PIEZO2: variants seen among roughly 807,000 people sequenced by gnomAD.
PIEZO2 encodes piezo-type mechanosensitive ion channel component 2.
PIEZO2 carries 172 observed loss-of-function variants against 337.3 expected under a neutral mutation model. That is an observed-to-expected ratio of 0.51 (90% confidence interval 0.45 to 0.58). The LOEUF (loss-of-function observed/expected upper bound fraction) is 0.58, where lower values mean the gene tolerates loss of function less well. Ranked by LOEUF, PIEZO2 falls within the 20% of genes least tolerant of loss-of-function variation. PIEZO2 has a pLI of 0.00. For missense variants in PIEZO2, 3,028 were observed against 3,391.3 expected (o/e 0.89, Z 2.66); for synonymous variants, 1,251 against 1,228.5 (o/e 1.02, Z -0.38).
chr18:10,695,387 T>A (rs993897067), intron 47 of PIEZO2, among the ~76,000 whole-genome samples: 5 of 152,202 alleles, frequency 3.3e-5, no homozygotes, highest in South Asian at 2.1e-4. Flanking sequence ...CTTAGGGTTC[T>A]AGGTGACAGA....
rs537014203 is a variant in PIEZO2 at position 11,079,344 on chromosome 18, T to C, written c.65-13122A>G. 3.9e-5 allele frequency among the ~76,000 whole-genome samples: 6 copies of C among 152,350 alleles called. No individual in the cohort carries two copies. The South Asian group carries it at 8.3e-4, about 21-fold the overall frequency. On this transcript the variant is annotated intron_variant, in intron 1 of 55. Coordinates refer to ENST00000674853, the MANE Select transcript of PIEZO2 (RefSeq NM_001378183.1). ...ATGGATGGTTTAAGTCAAAATTCCA[T>C]AGAGGCTAAGTTAACCTCCACAAAT...
rs932650675 is a variant in PIEZO2 at position 11,116,986 on chromosome 18, G to A, written c.64+31539C>T. 6.6e-5 allele frequency among the ~76,000 whole-genome samples: 10 copies of A among 152,020 alleles called. No individual in the cohort carries two copies. Among genetic ancestry groups the A allele is most frequent in the African/African-American group, 2.2e-4 (9 of 41,386 alleles). On this transcript the variant is annotated intron_variant, in intron 1 of 55. Coordinates refer to ENST00000674853, the MANE Select transcript of PIEZO2 (RefSeq NM_001378183.1). This position sits in a 1 kb window ranked among gnomAD's most constrained non-coding sequence, Gnocchi z 5.0. The stretch of plus-strand genomic sequence containing the variant: ...TAGCCTGGCTTGGTGGCACGTGCCT[G>A]TAGTGCCAGCTACTTTGGAGGCTGA...
At chr18:10,678,009 C>G (rs2034090682) in intron 52 of PIEZO2, 134 bp from the exon 53 acceptor site, 16 of 840,806 alleles carry the variant, frequency 1.9e-5, no homozygotes, top group Non-Finnish European at 2.8e-5. Context: ...AATCCTGACC[C>G]TTTCAGTCTA....
chr18:10,811,021 A>C (rs1015193765), intron 7 of PIEZO2, among the ~76,000 whole-genome samples: 2 of 152,168 alleles, frequency 1.3e-5, no homozygotes, highest in African/African-American at 4.8e-5. Context: ...AATTTATGAT[A>C]ATTAAGTTTT....
intron 3 of PIEZO2, among the ~76,000 whole-genome samples, chr18:10,958,326 A>G (rs1046596616): frequency 3.3e-5 from 5 of 151,986 alleles, no homozygotes; most frequent in Admixed American, 2.6e-4. Context: ...GAAACTAGAA[A>G]GGTTGCCATC....
intron 7 of PIEZO2, among the ~76,000 whole-genome samples, chr18:10,838,036 G>A (rs1356754428): frequency 6.6e-6 from 1 of 152,074 alleles, no homozygotes; most frequent in Non-Finnish European, 1.5e-5. Flanking sequence ...ACAGGCATGA[G>A]CCACCACACC....
At chr18:10,705,094 G>A (rs1281112344) in intron 41 of PIEZO2, among the ~76,000 whole-genome samples, 1 of 152,114 alleles carries the variant, frequency 6.6e-6, no homozygotes, top group Non-Finnish European at 1.5e-5. Flanking sequence ...CCTAATATCA[G>A]ACCTTATTAT....
intron 4 of PIEZO2, among the ~76,000 whole-genome samples, chr18:10,906,137 A>G (rs2145039458): frequency 6.6e-6 from 1 of 152,312 alleles, no homozygotes; most frequent in South Asian, 2.1e-4. Flanking sequence ...CTGAAGGAAA[A>G]AAAACTAGGG....
chr18:10,858,703 C>T (rs1289975971), intron 5 of PIEZO2, among the ~76,000 whole-genome samples: 1 of 152,118 alleles, frequency 6.6e-6, no homozygotes, highest in Non-Finnish European at 1.5e-5. Flanking sequence ...CGTAAAGCGG[C>T]CTTCAGGACT....
intron 8 of PIEZO2, among the ~76,000 whole-genome samples, chr18:10,806,136 CAGAG>C (rs1280283881): frequency 2.0e-5 from 3 of 152,148 alleles, no homozygotes; most frequent in Non-Finnish European, 4.4e-5. Context: ...CAAAGACAGA[CAGAG>C]AAAGTAGGGA....
chr18:10,984,884 C>T (rs1039017589), intron 2 of PIEZO2, among the ~76,000 whole-genome samples: 3 of 152,110 alleles, frequency 2.0e-5, no homozygotes, highest in African/African-American at 7.2e-5. Context: ...AAAAGGCTAT[C>T]AGTAGATTTC....
chr18:11,012,924 G>A (rs185345482), intron 2 of PIEZO2, among the ~76,000 whole-genome samples: 7 of 152,192 alleles, frequency 4.6e-5, no homozygotes, highest in Admixed American at 2.6e-4. Flanking sequence ...CACACCTGTG[G>A]TCTCAGGTAC....
intron 39 of PIEZO2, among the ~76,000 whole-genome samples, chr18:10,709,030 C>T (rs1222698046): frequency 6.6e-6 from 1 of 152,060 alleles, no homozygotes; most frequent in East Asian, 1.9e-4. Flanking sequence ...TGCATGTAGT[C>T]GGGATGCTGG....
At chr18:10,928,517 C>T (rs1478197939) in intron 3 of PIEZO2, among the ~76,000 whole-genome samples, 1 of 152,142 alleles carries the variant, frequency 6.6e-6, no homozygotes, top group African/African-American at 2.4e-5. Flanking sequence ...TTTTAAAGTC[C>T]AGTTCTTAAA....
chr18:10,697,712 A>G (rs749523948), intron 45 of PIEZO2, 36 bp downstream of exon 45: 4 of 1,605,828 alleles, frequency 2.5e-6, no homozygotes, highest in Non-Finnish European at 2.5e-6. Flanking sequence ...AAACCCTACA[A>G]TAAAGCACAC....
At position 11,078,129 on chromosome 18, in the gene PIEZO2, CACAT is replaced by C. The variant is rs757105442; in HGVS notation, c.65-11911_65-11908del. Among the ~76,000 whole-genome samples, 1 of 146,768 alleles carries C rather than the reference CACAT, an allele frequency of 6.8e-6. No individual in the cohort carries two copies. The highest frequency in any genetic ancestry group is 6.7e-5 in the Admixed American group (1 of 14,946). On this transcript the variant is annotated intron_variant, in intron 1 of 55. Coordinates refer to ENST00000674853, the MANE Select transcript of PIEZO2 (RefSeq NM_001378183.1). This position sits in a 1 kb window ranked among gnomAD's most constrained non-coding sequence, Gnocchi z 5.3. ...CATACACATATACACACCATACACA[CACAT>C]ACACACACACTCACCACACACACAC...
In PIEZO2 at chr18:11,022,444, G is replaced by A. The variant is rs1268749375; in HGVS notation, c.161-42784C>T. 1.3e-5 allele frequency among the ~76,000 whole-genome samples: 2 copies of A among 152,212 alleles called. 1 individual carries two copies. The highest frequency in any genetic ancestry group is 4.1e-4 in the South Asian group (2 of 4,836). ...CTGGGAGGCTTCAGAAACAGACACT[G>A]ATTGTCTCAGTTGTAAAGGCTAGAA... On this transcript the variant is annotated intron_variant, in intron 2 of 55. Transcript: ENST00000674853.
intron 42 of PIEZO2, among the ~76,000 whole-genome samples, chr18:10,702,616 T>G (rs543255448): frequency 6.6e-6 from 1 of 152,396 alleles, no homozygotes; most frequent in East Asian, 1.9e-4. Context: ...TTAGGATGTA[T>G]GTAGTTTTCA....
Position 11,101,904 on chromosome 18 carries a change from T to G in PIEZO2, c.65-35682A>C, listed in dbSNP as rs1233686198. Reference sequence around the variant, plus strand: ...TATCAAATTTGAAACCACACACTAATTTGTAACATGAGTATGTAAACATTT... The same window carrying G: ...TATCAAATTTGAAACCACACACTAAGTTGTAACATGAGTATGTAAACATTT... On this transcript the variant is annotated intron_variant, in intron 1 of 55. Coordinates refer to ENST00000674853, the MANE Select transcript of PIEZO2 (RefSeq NM_001378183.1). This position sits in a 1 kb window ranked among gnomAD's most constrained non-coding sequence, Gnocchi z 4.4. Among the ~76,000 whole-genome samples the G allele has an allele frequency of 6.6e-6, 1 of 152,238 alleles. No homozygotes were observed. Among genetic ancestry groups the G allele is most frequent in the East Asian group, 1.9e-4 (1 of 5,196 alleles).
Sources: gnomAD v4.1 joint callset for allele counts (sites outside exome capture counted in the v4.1 genomes callset) on GRCh38, gnomAD v4.1.1 for gene constraint, Gnocchi (gnomAD v3.1) non-coding constraint, MANE v1.5 for transcripts, NCBI Gene and HGNC (gene_info 2026-07-23, HGNC 2026-07-21) for gene names.